SYTL5: variants seen among roughly 807,000 people sequenced by gnomAD.
The protein encoded by SYTL5 is synaptotagmin like 5.
A neutral mutation model predicts 55.9 loss-of-function variants in SYTL5; 34 were observed. The ratio of observed to expected loss-of-function variants is 0.61; its 90% CI spans 0.46 to 0.81. The LOEUF (loss-of-function observed/expected upper bound fraction) is 0.81. SYTL5 is among the 30% of genes least tolerant of loss of function. The probability of loss-of-function intolerance (pLI) is 0.00; values close to 1 mark genes in which losing one functional copy is unlikely to be tolerated. For missense variants in SYTL5, 637 were observed against 546.7 expected, an observed-to-expected ratio of 1.17 and a Z score of -1.65; for synonymous variants, 221 against 188.7, an observed-to-expected ratio of 1.17 and a Z score of -1.40.
chrX:37,983,750 C>T, the SYTL5 span, among the ~76,000 whole-genome samples: 1 of 111,603 alleles, frequency 9.0e-6, no homozygotes, highest in South Asian at 3.7e-4. Flanking sequence ...ATAAAATAAA[C>T]CTCATTAAAT....
At chrX:38,096,684 G>T (rs1936947450) in intron 9 of SYTL5, among the ~76,000 whole-genome samples, 1 of 111,222 alleles carries the variant, frequency 9.0e-6, no homozygotes, top group African/African-American at 3.2e-5. Flanking sequence ...GAATGAGAAG[G>T]TTAAATTAGA....
chrX:37,936,911 G>C, the SYTL5 span, among the ~76,000 whole-genome samples: 1 of 108,619 alleles, frequency 9.2e-6, no homozygotes, highest in African/African-American at 3.4e-5. Context: ...TTAGCTGGGC[G>C]TAGTGGCAAG....
the SYTL5 span, among the ~76,000 whole-genome samples, chrX:37,889,730 T>C: frequency 9.0e-6 from 1 of 110,865 alleles, no homozygotes; most frequent in Non-Finnish European, 1.9e-5. Flanking sequence ...AATGAAGGCC[T>C]CTTGGCAATT....
At position 38,122,181 on chromosome X, in the gene SYTL5, A is replaced by G; in HGVS notation, c.1807A>G (p.Lys603Glu). ...IKEAKNLTAV[K>E]SGGTSDSFVK... ...AGAGGCAAAGAATTTGACAGCAGTG[A>G]AGTCAGGAGGCACTTCTGATAGCTT... is the stretch of plus-strand genomic sequence containing the variant. Residue 603 changes from lysine to glutamate, a missense_variant, in exon 15 of 17, where the codon AAG (lysine) becomes GAG (glutamate). By Grantham distance (56) the Lys-to-Glu change is moderately conservative. Coordinates refer to ENST00000297875, the MANE Select transcript of SYTL5 (RefSeq NM_138780.3). The G allele has an allele frequency of 2.5e-6, 3 of 1,209,207 alleles. No homozygotes were observed. Among genetic ancestry groups the G allele is most frequent in the Non-Finnish European group, 3.4e-6 (3 of 893,639 alleles).
intron 6 of SYTL5, among the ~76,000 whole-genome samples, chrX:38,087,793 G>A (rs185956881): frequency 7.0e-4 from 78 of 111,320 alleles, no homozygotes; most frequent in African/African-American, 2.4e-3. Context: ...TGAGTAAGCA[G>A]TATGAGAAAC....
At chrX:37,968,756 C>T in the SYTL5 span, among the ~76,000 whole-genome samples, 1 of 111,817 alleles carries the variant, frequency 8.9e-6, no homozygotes, top group Non-Finnish European at 1.9e-5. Context: ...ATCGCTTTCT[C>T]AGGAATAACC....
At chrX:38,043,896 G>A (rs979360565) in intron 2 of SYTL5, among the ~76,000 whole-genome samples, 6 of 107,821 alleles carry the variant, frequency 5.6e-5, no homozygotes, top group Non-Finnish European at 1.2e-4. Context: ...AATGTGCAAC[G>A]TGTTTCTTAA....
At chrX:38,088,724 G>T (rs760957156) in intron 6 of SYTL5, among the ~76,000 whole-genome samples, 7 of 112,220 alleles carry the variant, frequency 6.2e-5, no homozygotes, top group Non-Finnish European at 1.3e-4. Flanking sequence ...ACAACACAGA[G>T]AAATGAAATA....
At chrX:37,908,905 C>A in the SYTL5 span, among the ~76,000 whole-genome samples, 79 of 111,543 alleles carry the variant, frequency 7.1e-4, no homozygotes, top group African/African-American at 2.5e-3. Context: ...GGAAAAAAAA[C>A]TGATGAGTGG....
At chrX:37,901,426 G>A in the SYTL5 span, among the ~76,000 whole-genome samples, 7 of 112,095 alleles carry the variant, frequency 6.2e-5, no homozygotes, top group African/African-American at 2.3e-4. Flanking sequence ...GCTCTCACAG[G>A]ATGCAAGGCA....
Position 38,106,575 on chromosome X carries a change from C to A in SYTL5, c.1156-18C>A. The A allele has an allele frequency of 8.7e-7, 1 of 1,153,890 alleles. No homozygotes were observed. Among genetic ancestry groups the A allele is most frequent in the Non-Finnish European group, 1.2e-6 (1 of 868,188 alleles). The stretch of plus-strand genomic sequence containing the variant: ...TTAGAATGACACTAGAAGCCTTTTT[C>A]CATCTTGTTTATTCCAGACCAGCCT... On this transcript the variant is annotated intron_variant, in intron 10 of 16. Transcript: ENST00000297875.
the SYTL5 span, among the ~76,000 whole-genome samples, chrX:37,904,292 G>C: frequency 9.4e-6 from 1 of 105,859 alleles, no homozygotes; most frequent in Non-Finnish European, 1.9e-5. Context: ...TTTCCTGCAA[G>C]GTAGGGTTCG....
intron 9 of SYTL5, among the ~76,000 whole-genome samples, chrX:38,098,585 A>G (rs984145294): frequency 3.6e-5 from 4 of 110,541 alleles, no homozygotes; most frequent in African/African-American, 6.5e-5. Flanking sequence ...ACCCCCCTAC[A>G]TTGCTAGTGG....
chrX:37,976,805 A>C, the SYTL5 span, among the ~76,000 whole-genome samples: 1 of 107,502 alleles, frequency 9.3e-6, no homozygotes, highest in African/African-American at 3.4e-5. Flanking sequence ...AATACAAAAA[A>C]AAAAAAAAAA....
the SYTL5 span, among the ~76,000 whole-genome samples, chrX:38,000,633 A>G: frequency 3.6e-5 from 4 of 112,455 alleles, no homozygotes; most frequent in African/African-American, 1.3e-4. Context: ...AGTCAGCTCA[A>G]TTAGACCCAC....
At chrX:38,028,268 T>C (rs5918456) in intron 1 of SYTL5, among the ~76,000 whole-genome samples, 13,433 of 112,001 alleles carry the variant, frequency 0.12, 773 homozygotes, top group Non-Finnish European at 0.17. Flanking sequence ...GGGGCTTTTA[T>C]TGGCTCTACA....
At chrX:38,025,480 T>C (rs1249292479) in intron 1 of SYTL5, among the ~76,000 whole-genome samples, 3 of 111,845 alleles carry the variant, frequency 2.7e-5, no homozygotes, top group African/African-American at 9.8e-5. Flanking sequence ...TAATCAGAAG[T>C]TAATGACTTG....
chrX:37,935,541 T>C, the SYTL5 span, among the ~76,000 whole-genome samples: 1 of 112,764 alleles, frequency 8.9e-6, no homozygotes, highest in Non-Finnish European at 1.9e-5. Flanking sequence ...ATTGTATGTC[T>C]GTATTGATGG....
chrX:38,055,189 G>A (rs756336675), intron 3 of SYTL5, among the ~76,000 whole-genome samples: 12 of 111,814 alleles, frequency 1.1e-4, no homozygotes, highest in Non-Finnish European at 2.3e-4. Context: ...CAGCTGACAA[G>A]CAAAGCTGGA....
Sources: gnomAD v4.1 joint callset for allele counts (sites outside exome capture counted in the v4.1 genomes callset) on GRCh38, gnomAD v4.1.1 for gene constraint, MANE v1.5 for transcripts, NCBI Gene and HGNC (gene_info 2026-07-23, HGNC 2026-07-21) for gene names.